Variants in DMTN observed in about 807,000 individuals in gnomAD.
The protein encoded by DMTN is dematin actin binding protein, also known as dematin.
In DMTN, 27 loss-of-function variants were observed where a neutral mutation model predicts 59.4. The observed-to-expected ratio is 0.45, with a 90% CI of 0.33 to 0.63. DMTN has a LOEUF of 0.63. DMTN is among the 20% of genes least tolerant of loss of function. DMTN has a pLI of 0.02. For synonymous variants in DMTN, 221 were observed against 203.7 expected, an observed-to-expected ratio of 1.08 and a Z score of -0.72; for missense variants, 451 against 528.9, an observed-to-expected ratio of 0.85 and a Z score of 1.45.
chr8:22,067,892 A>G (rs1812111204), intron 4 of DMTN, among the ~76,000 whole-genome samples: 1 of 152,342 alleles, frequency 6.6e-6, no homozygotes, highest in East Asian at 1.9e-4. Flanking sequence ...TCAGATGTAG[A>G]GGGGTGGACA....
rs1468762933 is a variant in DMTN at position 22,080,970 on chromosome 8, G to A, written c.1023+100G>A. On this transcript the variant is annotated intron_variant, in intron 14 of 15. Coordinates refer to ENST00000358242, the MANE Select transcript of DMTN (RefSeq NM_001387751.1). The stretch of plus-strand genomic sequence containing the variant: ...CGGGGTCTTCCTGGTGTTGAAGATG[G>A]GAGGGATGGCAGGGAAGTTGGGGGA... 7.4e-6 allele frequency: 11 copies of A among 1,493,372 alleles called. No individual in the cohort carries two copies. In the East Asian group the frequency reaches 2.1e-4, roughly 28 times the overall value. The allele number at this position is 1,493,372 out of a possible 1,614,324, so 92.5% of individuals were successfully genotyped here.
At chr8:22,080,070 G>T (rs7001965) in intron 10 of DMTN, 110 bp from the exon 11 acceptor site, 2 of 1,279,320 alleles carry the variant, frequency 1.6e-6, no homozygotes, top group South Asian at 2.5e-5. Context: ...TCCCCCCAGC[G>T]TGATCCCTTC....
rs1823396675 is a variant in DMTN, at chr8:22,080,437, C to T, written c.926C>T (p.Ser309Leu). 2 of 1,614,256 alleles carry T rather than the reference C, an allele frequency of 1.2e-6. No individual in the cohort carries two copies. Among genetic ancestry groups the T allele is most frequent in the Admixed American group, 3.3e-5 (2 of 60,034 alleles). The change falls in exon 12 of 16, where the codon TCA (serine) becomes TTA (leucine). Residue 309 changes from serine (S) to leucine (L), a missense_variant. Transcript: ENST00000358242. Reference sequence around the variant, plus strand: ...CTACAGTCCACAGAGTTCAGCCCATCAGGGAGTGAGACTGGAAGCCCAGGT... The same window carrying T: ...CTACAGTCCACAGAGTTCAGCCCATTAGGGAGTGAGACTGGAAGCCCAGGT... ...SRLQSTEFSP[S>L]GSETGSPGLQ...
rs962426935 is a variant in DMTN, at chr8:22,060,408, G to GTCTTGC, written c.-172+3275_-172+3276insTGCTCT. Among the ~76,000 whole-genome samples, 3 of 137,464 alleles carry GTCTTGC rather than the reference G, an allele frequency of 2.2e-5. No homozygotes were observed. Among genetic ancestry groups the GTCTTGC allele is most frequent in the Admixed American group, 7.2e-5 (1 of 13,944 alleles). The allele number at this position is 137,464 out of a possible 152,430, so 90.2% of individuals were successfully genotyped here. ...ACTCTCTCTCTCTTTCTCTCTTTCTGTCTCGCTCTCTCTCTCTCTCTCTCC... is the reference window on the plus strand; with the variant it reads ...ACTCTCTCTCTCTTTCTCTCTTTCTGTCTTGCTCTCGCTCTCTCTCTCTCTCTCTCC... On this transcript the variant is annotated intron_variant, in intron 1 of 15. Transcript: ENST00000358242. The surrounding 1 kb of genome is among the most constrained non-coding windows in gnomAD (Gnocchi z 5.0).
chr8:22,079,738 G>T (rs1009181566), intron 10 of DMTN, among the ~76,000 whole-genome samples: 12 of 151,592 alleles, frequency 7.9e-5, no homozygotes, highest in Middle Eastern at 3.2e-3. Context: ...GGGATTACAG[G>T]CATGAGCCAC....
At chr8:22,068,869 G>C (rs2130990720) in intron 4 of DMTN, 147 bp from the exon 5 acceptor site, 4 of 934,106 alleles carry the variant, frequency 4.3e-6, no homozygotes, top group Non-Finnish European at 6.9e-6. Context: ...GGGAACTGTG[G>C]GAAGGATCCA....
Position 22,072,407 on chromosome 8 carries a change from A to G in DMTN, c.686A>G (p.Glu229Gly), listed in dbSNP as rs1816261439. 6.3e-7 allele frequency: 1 copy of G among 1,594,720 alleles called. No individual in the cohort carries two copies. The highest frequency in any genetic ancestry group is 8.5e-7 in the Non-Finnish European group (1 of 1,169,746). Residue 229 changes from glutamate (E) to glycine (G), a missense_variant, in exon 9 of 16, where the codon GAG (glutamate) becomes GGG (glycine). Transcript: ENST00000358242. ...GAGGAAGATGACGACTCTGGAGAGG[A>G]GATGAAGGCTCTCAGGGAGCGTCAG... ...EEEEDDDSGEEMKALRERQRE... is the reference protein window; with the variant it reads ...EEEEDDDSGEGMKALRERQRE...
Position 22,066,858 on chromosome 8 carries a change from G to A in DMTN, c.-18G>A, listed in dbSNP as rs1386784051. 6 of 1,409,946 alleles carry A rather than the reference G, an allele frequency of 4.3e-6. No homozygotes were observed. The highest frequency in any genetic ancestry group is 2.7e-5 in the Admixed American group (1 of 36,710). The allele number at this position is 1,409,946 out of a possible 1,614,324, so 87.3% of individuals were successfully genotyped here. A position where few individuals can be genotyped will look rare whatever the true frequency, so the allele number is the denominator to read the frequency against. ...CACAGGGCTCTGCGAGTGACCCGGC[G>A]GGCGAGCTCCGTGCTGCATGGAACG... On this transcript the variant is annotated 5_prime_UTR_variant, in exon 2 of 16. Coordinates refer to ENST00000358242, the MANE Select transcript of DMTN (RefSeq NM_001387751.1).
rs573790242 is a variant in DMTN at position 22,067,212 on chromosome 8, G to T, written c.93+53G>T. 1.9e-5 allele frequency: 30 copies of T among 1,578,582 alleles called. No individual in the cohort carries two copies. In the Middle Eastern group the frequency reaches 6.7e-4, roughly 35 times the overall value. On this transcript the variant is annotated intron_variant, in intron 3 of 15. Coordinates refer to ENST00000358242, the MANE Select transcript of DMTN (RefSeq NM_001387751.1). ...CCCCTGGCTGGGAGGGGGGAGGGTG[G>T]GGGACCCCTGGCTGCTAGCGTGCCT...
intron 10 of DMTN, among the ~76,000 whole-genome samples, chr8:22,077,929 CTTA>C (rs1169696892): frequency 7.2e-5 from 11 of 152,104 alleles, no homozygotes; most frequent in Admixed American, 6.6e-4. Context: ...TAAATGTGTA[CTTA>C]TTATTCTAAG....
At chr8:22,052,344 TA>T (rs761971863), upstream of DMTN, among the ~76,000 whole-genome samples, 14 of 152,336 alleles carry the variant, frequency 9.2e-5, no homozygotes, top group South Asian at 2.1e-3. Flanking sequence ...ATTGAGGAAA[TA>T]AACCACTTGA....
At chr8:22,062,149 G>A (rs1807010558) in intron 1 of DMTN, among the ~76,000 whole-genome samples, 1 of 151,788 alleles carries the variant, frequency 6.6e-6, no homozygotes, top group Non-Finnish European at 1.5e-5. Flanking sequence ...GTGCAGCAGT[G>A]ACATGATCAT....
intron 10 of DMTN, 61 bp downstream of exon 10, chr8:22,073,896 A>T (rs1302121066): frequency 7.0e-7 from 1 of 1,419,758 alleles, no homozygotes; most frequent in African/African-American, 1.4e-5. Flanking sequence ...GACTCTGTGC[A>T]TCTGTTGACT....
At chr8:22,067,251 C>T in intron 3 of DMTN, 92 bp downstream of exon 3, 1 of 1,405,362 alleles carries the variant, frequency 7.1e-7, no homozygotes. Context: ...CGCAGAGCCT[C>T]CCCAGTGGTG....
At position 22,060,383 on chromosome 8, in the gene DMTN, ACT is replaced by A. The variant is rs140175733; in HGVS notation, c.-172+3258_-172+3259del. Among the ~76,000 whole-genome samples the A allele has an allele frequency of 0.023, 3,301 of 145,000 alleles. 95 individuals carry two copies. The highest frequency in any genetic ancestry group is 0.077 in the African/African-American group (2,981 of 38,854). On this transcript the variant is annotated intron_variant, in intron 1 of 15. Transcript: ENST00000358242. The surrounding 1 kb of genome is among the most constrained non-coding windows in gnomAD (Gnocchi z 5.0). ...GTGTGATTTGAGAGAAGCCAAGGAA[ACT>A]CTCTCTCTCTTTCTCTCTTTCTGTC...
upstream of DMTN, chr8:22,054,716 T>TG (rs1801843748): frequency 1.3e-5 from 2 of 152,694 alleles, no homozygotes; most frequent in African/African-American, 2.4e-5. Flanking sequence ...AGTGGGGGGA[T>TG]GGGGTACTTG....
rs890691527 is a variant in DMTN, at chr8:22,072,644, T to G, written c.729+194T>G. On this transcript the variant is annotated intron_variant, in intron 9 of 15. Coordinates refer to ENST00000358242, the MANE Select transcript of DMTN (RefSeq NM_001387751.1). ...CTCGCCCAGCTAATTTTTTTTTTTTTTTGTATTTTTAATAGAGATAAGGTT... is the reference window on the plus strand; with the variant it reads ...CTCGCCCAGCTAATTTTTTTTTTTTGTTGTATTTTTAATAGAGATAAGGTT... Among the ~76,000 whole-genome samples the G allele has an allele frequency of 6.0e-5, 9 of 150,690 alleles. 1 individual carries two copies. The highest frequency in any genetic ancestry group is 2.2e-4 in the African/African-American group (9 of 40,976).
rs1203079940 is a variant in DMTN, at chr8:22,058,699, G to A, written c.-172+1563G>A. Among the ~76,000 whole-genome samples the A allele has an allele frequency of 1.3e-5, 2 of 152,164 alleles. No individual in the cohort carries two copies. Among genetic ancestry groups the A allele is most frequent in the Admixed American group, 6.5e-5 (1 of 15,288 alleles). On this transcript the variant is annotated intron_variant, in intron 1 of 15. Coordinates refer to ENST00000358242, the MANE Select transcript of DMTN (RefSeq NM_001387751.1). The surrounding 1 kb of genome is among the most constrained non-coding windows in gnomAD (Gnocchi z 4.3). ...GTCCTTTATCCGAGTATGAGAGGGT[G>A]CCCTGTAGTGCTGGGTTAGGGGAAC... is the stretch of plus-strand genomic sequence containing the variant.
rs2130323619 is a variant in DMTN at position 22,058,641 on chromosome 8, G to A, written c.-172+1505G>A. Among the ~76,000 whole-genome samples the A allele has an allele frequency of 6.6e-6, 1 of 152,300 alleles. No individual in the cohort carries two copies. The highest frequency in any genetic ancestry group is 1.9e-4 in the East Asian group (1 of 5,180). On this transcript the variant is annotated intron_variant, in intron 1 of 15. Transcript: ENST00000358242. The surrounding 1 kb of genome is among the most constrained non-coding windows in gnomAD (Gnocchi z 4.3). ...ACAAGGGAGGGCAGGCCTTGAGCAG[G>A]GGGACTCTGGGCTCCCCACCCACCC...
Sources: gnomAD v4.1 joint callset for allele counts (sites outside exome capture counted in the v4.1 genomes callset) on GRCh38, gnomAD v4.1.1 for gene constraint, Gnocchi (gnomAD v3.1) non-coding constraint, MANE v1.5 for transcripts, NCBI Gene and HGNC (gene_info 2026-07-23, HGNC 2026-07-21) for gene names.